The following P2RY8 variants were observed in gnomAD, a reference collection of about 807,000 sequenced individuals.
P2RY8 encodes S-geranylgeranyl-glutathione receptor P2RY8.
A neutral mutation model predicts 10.0 loss-of-function variants in P2RY8; 6 were observed. The observed-to-expected ratio is 0.60, with a 90% confidence interval of 0.33 to 1.19. The LOEUF (loss-of-function observed/expected upper bound fraction) is 1.19. Among genes scored for constraint, P2RY8 ranks in the 50% most tolerant of loss-of-function variants. P2RY8 has a pLI of 0.04. For synonymous variants in P2RY8, 276 were observed against 252.5 expected (o/e 1.09, Z -0.88); for missense variants, 456 against 542.0 (o/e 0.84, Z 1.58).
At chrX:1,530,589 A>G (rs2092467600) in intron 1 of P2RY8, among the ~76,000 whole-genome samples, 1 of 150,202 alleles carries the variant, frequency 6.7e-6, no homozygotes, top group Admixed American at 6.6e-5. Context: ...TCTCTCTATC[A>G]TCACCATTAT....
At chrX:1,519,329 A>T in intron 1 of P2RY8, among the ~76,000 whole-genome samples, 1 of 145,946 alleles carries the variant, frequency 6.9e-6, no homozygotes, top group East Asian at 2.1e-4. Flanking sequence ...GTCCCTAATA[A>T]TCTCTCTGGT....
At chrX:1,470,282 C>T (rs2091768172) in intron 1 of P2RY8, among the ~76,000 whole-genome samples, 1 of 152,082 alleles carries the variant, frequency 6.6e-6, no homozygotes, top group Non-Finnish European at 1.5e-5. Context: ...GAGGCCGAGG[C>T]AGGTGGATCA....
chrX:1,466,688 T>C, intron 1 of P2RY8, 106 bp from the exon 2 acceptor site: 1 of 1,124,010 alleles, frequency 8.9e-7, no homozygotes, highest in Non-Finnish European at 1.2e-6. Flanking sequence ...GCGGGGGAGA[T>C]GCTTTAGCAG....
At chrX:1,517,182 T>C (rs1356997911) in intron 1 of P2RY8, among the ~76,000 whole-genome samples, 1 of 151,322 alleles carries the variant, frequency 6.6e-6, no homozygotes, top group Non-Finnish European at 1.5e-5. Context: ...ACCCAGTCTA[T>C]GGTATTCTGT....
chrX:1,525,048 G>GGTCT (rs1221869157), intron 1 of P2RY8, among the ~76,000 whole-genome samples: 1 of 152,196 alleles, frequency 6.6e-6, no homozygotes, highest in African/African-American at 2.4e-5. Flanking sequence ...CTGTAGCCAG[G>GGTCT]GTCTGTCACC....
rs2149367388 is a variant in P2RY8 at position 1,464,477 on chromosome X, G to C, written c.*1002C>G. 1 of 233,536 alleles carries C rather than the reference G, an allele frequency of 4.3e-6. No individual in the cohort carries two copies. The highest frequency in any genetic ancestry group is 1.8e-4 in the South Asian group (1 of 5,532). The allele number at this position is 233,536 out of a possible 1,614,324, so 14.5% of individuals were successfully genotyped here. A position where few individuals can be genotyped will look rare whatever the true frequency, so the allele number is the denominator to read the frequency against. ...CCAGTTGCCTGCTTCCTGGACTCCAGATGGACTTGCCATGGCTGAGGCTCT... is the reference window on the plus strand; with the variant it reads ...CCAGTTGCCTGCTTCCTGGACTCCACATGGACTTGCCATGGCTGAGGCTCT... On this transcript the variant is annotated 3_prime_UTR_variant, in exon 2 of 2. Coordinates refer to ENST00000381297, the MANE Select transcript of P2RY8 (RefSeq NM_178129.5).
intron 1 of P2RY8, among the ~76,000 whole-genome samples, chrX:1,486,408 G>A (rs1479264581): frequency 7.9e-5 from 12 of 151,944 alleles, no homozygotes; most frequent in East Asian, 3.9e-4. Flanking sequence ...GGCTGTGACC[G>A]AGGCTACACT....
At chrX:1,479,375 A>C (rs1404628302) in intron 1 of P2RY8, among the ~76,000 whole-genome samples, 1 of 152,084 alleles carries the variant, frequency 6.6e-6, no homozygotes, top group Non-Finnish European at 1.5e-5. Context: ...GCTTACACAC[A>C]CTCCTCTGTA....
At position 1,472,432 on chromosome X, in the gene P2RY8, GTGGA is replaced by G. The variant is rs372621992; in HGVS notation, c.-24-5854_-24-5851del. Reference sequence around the variant, plus strand: ...GGTGGATGAATGGGTACATGGGTGGGTGGATGGATGGATGGGTGGGTGAGTGGAT... The same window carrying G: ...GGTGGATGAATGGGTACATGGGTGGGTGGATGGATGGGTGGGTGAGTGGAT... On this transcript the variant is annotated intron_variant, in intron 1 of 1. Transcript: ENST00000381297. Among the ~76,000 whole-genome samples the G allele has an allele frequency of 3.0e-3, 419 of 140,414 alleles. 3 individuals are homozygous for G. The highest frequency in any genetic ancestry group is 0.01 in the African/African-American group (384 of 37,270). The allele number at this position is 140,414 out of a possible 152,430, so 92.1% of individuals were successfully genotyped here. A position where few individuals can be genotyped will look rare whatever the true frequency, so the allele number is the denominator to read the frequency against.
chrX:1,502,568 C>T (rs2092191047), intron 1 of P2RY8, among the ~76,000 whole-genome samples: 1 of 152,222 alleles, frequency 6.6e-6, no homozygotes, highest in African/African-American at 2.4e-5. Flanking sequence ...CACCTGCAAA[C>T]CCAGATCGAG....
Position 1,468,729 on chromosome X carries a change from TCCTCTCTCCTCTCTCCTCTCTCC to T in P2RY8, c.-24-2170_-24-2148del. 5.0e-5 allele frequency among the ~76,000 whole-genome samples: 4 copies of T among 80,788 alleles called. No individual in the cohort carries two copies. The Admixed American group carries it at 5.2e-4, about 10-fold the overall frequency. The allele number at this position is 80,788 out of a possible 152,430, so 53.0% of individuals were successfully genotyped here. A position where few individuals can be genotyped will look rare whatever the true frequency, so the allele number is the denominator to read the frequency against. On this transcript the variant is annotated intron_variant, in intron 1 of 1. Transcript: ENST00000381297. ...AGGGGCTGTAGGTGGGACCCTCCTC[TCCTCTCTCCTCTCTCCTCTCTCC>T]CCTCTCCCCTCTCCCCTCTCCCCTC...
chrX:1,507,758 A>T (rs1402113486), intron 1 of P2RY8, among the ~76,000 whole-genome samples: 1 of 152,238 alleles, frequency 6.6e-6, no homozygotes, highest in African/African-American at 2.4e-5. Context: ...TTCTGGGTAC[A>T]CTACCCCTGT....
Position 1,481,882 on chromosome X carries a change from C to T in P2RY8, c.-24-15300G>A, listed in dbSNP as rs193125636. Among the ~76,000 whole-genome samples, 344 of 152,260 alleles carry T rather than the reference C, an allele frequency of 2.3e-3. 1 individual carries two copies. Among genetic ancestry groups the T allele is most frequent in the African/African-American group, 7.9e-3 (328 of 41,548 alleles). Reference sequence around the variant, plus strand: ...ATCCTCCTAGCTAAGCACAAAAACGCGTAGGAAATGCTCTGAGCTCTGCCG... The same window carrying T: ...ATCCTCCTAGCTAAGCACAAAAACGTGTAGGAAATGCTCTGAGCTCTGCCG... On this transcript the variant is annotated intron_variant, in intron 1 of 1. Transcript: ENST00000381297.
chrX:1,499,567 A>G (rs1269320950), intron 1 of P2RY8, among the ~76,000 whole-genome samples: 3 of 152,104 alleles, frequency 2.0e-5, no homozygotes, highest in Non-Finnish European at 4.4e-5. Flanking sequence ...CTTTAATGCA[A>G]TGTTTCACGT....
intron 1 of P2RY8, among the ~76,000 whole-genome samples, chrX:1,525,368 G>A (rs1420177822): frequency 3.3e-5 from 5 of 152,138 alleles, no homozygotes; most frequent in African/African-American, 4.8e-5. Context: ...TGGGACTGGG[G>A]TCCTTCTAAG....
chrX:1,483,668 G>C (rs1272619313), intron 1 of P2RY8, among the ~76,000 whole-genome samples: 1 of 151,712 alleles, frequency 6.6e-6, no homozygotes, highest in Non-Finnish European at 1.5e-5. Context: ...ACCCAAACAG[G>C]AGCTCCATTA....
chrX:1,476,933 A>C (rs2091880980), intron 1 of P2RY8, among the ~76,000 whole-genome samples: 1 of 152,144 alleles, frequency 6.6e-6, no homozygotes, highest in South Asian at 2.1e-4. Context: ...TCACACCTGT[A>C]ATCTCAGCAC....
chrX:1,515,578 C>T (rs1348682680), intron 1 of P2RY8, among the ~76,000 whole-genome samples: 1 of 151,418 alleles, frequency 6.6e-6, no homozygotes, highest in South Asian at 2.1e-4. Context: ...TCCATGTTGC[C>T]CAGGCTGGTC....
At chrX:1,468,972 CT>C (rs1297918485) in intron 1 of P2RY8, among the ~76,000 whole-genome samples, 12 of 788 alleles carry the variant, frequency 0.015, no homozygotes, top group Non-Finnish European at 0.021. Context: ...CCTCTCCCCT[CT>C]CCCCTCTCCC....
Sources: gnomAD v4.1 joint callset for allele counts (sites outside exome capture counted in the v4.1 genomes callset) on GRCh38, gnomAD v4.1.1 for gene constraint, MANE v1.5 for transcripts, NCBI Gene and HGNC (gene_info 2026-07-23, HGNC 2026-07-21) for gene names.